WNK1: variants seen among roughly 807,000 people sequenced by gnomAD.
The protein encoded by WNK1 is serine/threonine-protein kinase WNK1.
WNK1 carries 38 observed loss-of-function variants against 222.8 expected under a neutral mutation model. That is an observed-to-expected ratio of 0.17 (90% CI 0.13 to 0.22). The LOEUF is 0.22. Ranked by LOEUF, WNK1 falls within the 10% of genes least tolerant of loss-of-function variation. The pLI, the probability that WNK1 is intolerant of heterozygous loss-of-function variation, is 1.00. For missense variants in WNK1, 2,348 were observed against 2,918.4 expected (o/e 0.80, Z 4.50); for synonymous variants, 1,090 against 1,092.9 (o/e 1.00, Z 0.05).
At chr12:779,936 C>G (rs1943531182) in intron 1 of WNK1, among the ~76,000 whole-genome samples, 1 of 152,118 alleles carries the variant, frequency 6.6e-6, no homozygotes, top group Admixed American at 6.6e-5. Context: ...GGCTCAGTAC[C>G]TCTGCCATTC....
intron 4 of WNK1, chr12:851,802 A>T (rs773461933): frequency 1.5e-6 from 2 of 1,328,848 alleles, no homozygotes; most frequent in Non-Finnish European, 2.0e-6. Flanking sequence ...AATTTCCAGT[A>T]TATGTAACAG....
chr12:796,709 T>G (rs1262110838), intron 1 of WNK1, among the ~76,000 whole-genome samples: 1 of 152,238 alleles, frequency 6.6e-6, no homozygotes, highest in Admixed American at 6.5e-5. Context: ...CAGAAAGTTC[T>G]GAGAATCATC....
At chr12:839,814 T>C (rs1949479775) in intron 4 of WNK1, among the ~76,000 whole-genome samples, 1 of 151,972 alleles carries the variant, frequency 6.6e-6, no homozygotes, top group African/African-American at 2.4e-5. Flanking sequence ...CCTCCCAGGT[T>C]CAAGTGATTT....
chr12:770,265 C>T (rs938715981), intron 1 of WNK1, among the ~76,000 whole-genome samples: 12 of 152,248 alleles, frequency 7.9e-5, no homozygotes, highest in Admixed American at 2.0e-4. Flanking sequence ...TGAGCCACTG[C>T]GCCCGGCCAG....
chr12:851,502 G>C, intron 4 of WNK1: 3 of 1,153,244 alleles, frequency 2.6e-6, no homozygotes, highest in Non-Finnish European at 2.2e-6. Flanking sequence ...TGTCCATCTA[G>C]AATAAATCTG....
At chr12:824,380 T>C (rs75520892) in intron 2 of WNK1, among the ~76,000 whole-genome samples, 7,085 of 152,210 alleles carry the variant, frequency 0.047, 430 homozygotes, top group African/African-American at 0.14. Context: ...AATGTTCCAT[T>C]TGTAATATGG....
chr12:890,110 AC>A (rs1348012068), intron 21 of WNK1, among the ~76,000 whole-genome samples: 1 of 151,558 alleles, frequency 6.6e-6, no homozygotes, highest in African/African-American at 2.4e-5. Context: ...CCGCCACCAC[AC>A]CCGGCTAATT....
chr12:896,860 C>T (rs1280292704), intron 24 of WNK1, 128 bp downstream of exon 24: 12 of 966,078 alleles, frequency 1.2e-5, no homozygotes, highest in African/African-American at 1.7e-5. Flanking sequence ...GACAGTGCCA[C>T]AGAAGCCCCA....
At chr12:900,339 T>C (rs1184676540) in intron 25 of WNK1, 137 bp from the exon 26 acceptor site, 3 of 902,300 alleles carry the variant, frequency 3.3e-6, no homozygotes, top group Non-Finnish European at 5.4e-6. Flanking sequence ...GTGAGGACTT[T>C]GTTCTTCTCA....
At chr12:854,660 T>G (rs1253066537) in intron 4 of WNK1, among the ~76,000 whole-genome samples, 1 of 152,120 alleles carries the variant, frequency 6.6e-6, no homozygotes, top group Non-Finnish European at 1.5e-5. Context: ...GAACTTATCT[T>G]TACAAAAAGA....
intron 1 of WNK1, among the ~76,000 whole-genome samples, chr12:772,457 G>T (rs1373528168): frequency 6.6e-6 from 1 of 151,968 alleles, no homozygotes; most frequent in Non-Finnish European, 1.5e-5. Context: ...ATAGGGGTGT[G>T]TGTATGTGTA....
intron 4 of WNK1, among the ~76,000 whole-genome samples, chr12:832,146 G>A (rs1234838676): frequency 6.6e-6 from 1 of 152,132 alleles, no homozygotes; most frequent in Non-Finnish European, 1.5e-5. Flanking sequence ...CGCCATCTCG[G>A]CTCACTGCAA....
chr12:807,006 C>G (rs757321680), intron 1 of WNK1, among the ~76,000 whole-genome samples: 3 of 152,058 alleles, frequency 2.0e-5, no homozygotes, highest in Non-Finnish European at 4.4e-5. Context: ...TGGGCTAGAT[C>G]TCCCTATAAA....
chr12:828,512 T>C (rs764878694), intron 3 of WNK1, among the ~76,000 whole-genome samples: 13 of 152,118 alleles, frequency 8.5e-5, no homozygotes, highest in Non-Finnish European at 1.6e-4. Context: ...TCTTGTACGT[T>C]GTAAGACTCT....
chr12:770,055 C>T (rs1942286078), intron 1 of WNK1, among the ~76,000 whole-genome samples: 1 of 151,892 alleles, frequency 6.6e-6, no homozygotes, highest in Non-Finnish European at 1.5e-5. Flanking sequence ...CCCACCACAA[C>T]CTCCGCCTCC....
chr12:824,250 A>G (rs1389347651), intron 2 of WNK1, among the ~76,000 whole-genome samples: 1 of 140,550 alleles, frequency 7.1e-6, no homozygotes, highest in African/African-American at 2.6e-5. Context: ...ATCTGCACTG[A>G]TGGTGCCTAA....
chr12:758,981 A>G (rs1940619926), intron 1 of WNK1, among the ~76,000 whole-genome samples: 1 of 146,072 alleles, frequency 6.8e-6, no homozygotes, highest in Admixed American at 6.8e-5. Flanking sequence ...AATTTATCTT[A>G]TTCCACCAGC....
rs7960055 is a variant in WNK1, at chr12:875,670, T to A, written c.2224-2542T>A. Among the ~76,000 whole-genome samples, 1,081 of 152,220 alleles carry A rather than the reference T, an allele frequency of 7.1e-3. 16 individuals are homozygous for A. The highest frequency in any genetic ancestry group is 0.024 in the African/African-American group (1,017 of 41,532). On this transcript the variant is annotated intron_variant, in intron 9 of 27. Coordinates refer to ENST00000315939, the MANE Select transcript of WNK1 (RefSeq NM_018979.4). ...TTTATTTTAATGTTATGTAAATAGG[T>A]GCTTTTCACTGCACATTTTACCTGA...
At chr12:762,974 G>A (rs1478345145) in intron 1 of WNK1, among the ~76,000 whole-genome samples, 3 of 146,284 alleles carry the variant, frequency 2.1e-5, no homozygotes, top group South Asian at 4.6e-4. Flanking sequence ...TCCAACTCCC[G>A]ACCTCAGGCG....
Sources: allele counts gnomAD v4.1 joint callset (sites outside exome capture counted in the v4.1 genomes callset), GRCh38; gene constraint gnomAD v4.1.1; transcripts MANE v1.5; gene names NCBI Gene and HGNC (gene_info 2026-07-23, HGNC 2026-07-21).